Variants in SLC24A1 observed in about 807,000 individuals in gnomAD.
SLC24A1 encodes the protein solute carrier family 24 member 1, also known as sodium/potassium/calcium exchanger 1.
A neutral mutation model predicts 88.1 loss-of-function variants in SLC24A1; 52 were observed. That is an observed-to-expected ratio of 0.59 (90% CI 0.47 to 0.74). The LOEUF (loss-of-function observed/expected upper bound fraction) is 0.74, where lower values mean the gene tolerates loss of function less well. Among genes scored for constraint, SLC24A1 ranks in the 30% least tolerant of loss-of-function variants. The pLI, the probability that SLC24A1 is intolerant of heterozygous loss-of-function variation, is 0.00. For missense variants in SLC24A1, 1,173 were observed against 1,363.3 expected, an observed-to-expected ratio of 0.86 and a Z score of 2.20; for synonymous variants, 455 against 498.0, an observed-to-expected ratio of 0.91 and a Z score of 1.15.
At chr15:65,648,915 G>T (rs2075402334) in intron 6 of SLC24A1, among the ~76,000 whole-genome samples, 1 of 152,106 alleles carries the variant, frequency 6.6e-6, no homozygotes, top group Admixed American at 6.5e-5. Context: ...TGAAACATAG[G>T]CATCTATGTC....
At chr15:65,643,425 C>T (rs138707058) in intron 4 of SLC24A1, among the ~76,000 whole-genome samples, 112 of 152,230 alleles carry the variant, frequency 7.4e-4, no homozygotes, top group African/African-American at 2.5e-3. Flanking sequence ...GGCTTAGTGC[C>T]GGCACACAGG....
chr15:65,648,292 A>T (rs1242482354), intron 6 of SLC24A1, among the ~76,000 whole-genome samples: 2 of 152,154 alleles, frequency 1.3e-5, no homozygotes, highest in Non-Finnish European at 2.9e-5. Flanking sequence ...GGTGATTTTA[A>T]TGTGCAGCAC....
At chr15:65,623,686 G>A (rs751551175) in intron 1 of SLC24A1, among the ~76,000 whole-genome samples, 18 of 152,118 alleles carry the variant, frequency 1.2e-4, no homozygotes, top group Non-Finnish European at 2.5e-4. Context: ...GGAGGACTTG[G>A]TGGACTCCAT....
At position 65,650,441 on chromosome 15, in the gene SLC24A1, T is replaced by C; in HGVS notation, c.2292T>C (p.Ala764=). 1 of 1,551,602 alleles carries C rather than the reference T, an allele frequency of 6.4e-7. No homozygotes were observed. Among genetic ancestry groups the C allele is most frequent in the South Asian group, 1.2e-5 (1 of 84,050 alleles). Residue 764 remains alanine (A), a synonymous_variant, in exon 7 of 10, where the codon GCT becomes GCC. Transcript: ENST00000261892. The surrounding 1 kb of genome is among the most constrained non-coding windows in gnomAD (Gnocchi z 4.1). ...GEMPGEEGET[A]GEGETEEKSG... is the part of the protein sequence containing the mutation. ...TGCCAGGCGAAGAGGGCGAAACTGC[T>C]GGTGAAGGTGAAACTGAAGAGAAAA...
At chr15:65,629,377 T>C (rs2074630342) in intron 2 of SLC24A1, among the ~76,000 whole-genome samples, 1 of 152,250 alleles carries the variant, frequency 6.6e-6, no homozygotes, top group East Asian at 1.9e-4. Context: ...GTAAGTATTT[T>C]AGAGTCTCAC....
At chr15:65,619,493 C>G (rs1055168982), upstream of SLC24A1, among the ~76,000 whole-genome samples, 16 of 151,778 alleles carry the variant, frequency 1.1e-4, no homozygotes, top group African/African-American at 3.6e-4. Flanking sequence ...TACCCGGGAC[C>G]TAAAGGCATT....
At chr15:65,649,095 G>GAA (rs1052320214) in intron 6 of SLC24A1, among the ~76,000 whole-genome samples, 18 of 151,888 alleles carry the variant, frequency 1.2e-4, no homozygotes, top group African/African-American at 4.1e-4. Context: ...GGTGGGGTCA[G>GAA]AAAATCTGTA....
chr15:65,644,050 G>C (rs1258610242), intron 4 of SLC24A1: 1 of 217,442 alleles, frequency 4.6e-6, no homozygotes, highest in Non-Finnish European at 9.3e-6. Context: ...TACAAAGTTT[G>C]GGTCAGAGTC....
At chr15:65,616,128 T>C (rs1284450155) in intron 2 of SLC24A1, among the ~76,000 whole-genome samples, 2 of 152,096 alleles carry the variant, frequency 1.3e-5, no homozygotes, top group Non-Finnish European at 2.9e-5. Context: ...CAGTCTATCA[T>C]TGATGGACAT....
chr15:65,652,681 C>T lies in SLC24A1; in HGVS notation c.2923C>T (p.Leu975=), dbSNP rs779315074. 2.8e-5 allele frequency: 45 copies of T among 1,613,870 alleles called. No homozygotes were observed. In the East Asian group the frequency reaches 9.8e-4, roughly 35 times the overall value. ...AGGGATTTCTGAAGAGATCATGGGC[C>T]TGACAATCCTTGCAGCAGGCACATC... ...TIGISEEIMG[L]TILAAGTSIP... is the part of the protein sequence containing the mutation. The change falls in exon 9 of 10, where the codon CTG becomes TTG. Residue 975 remains leucine, a synonymous_variant. Coordinates refer to ENST00000261892, the MANE Select transcript of SLC24A1 (RefSeq NM_004727.3).
intron 8 of SLC24A1, 198 bp downstream of exon 8, chr15:65,651,957 C>G: frequency 1.7e-6 from 1 of 598,666 alleles, no homozygotes; most frequent in Admixed American, 2.2e-5. Context: ...CTGTCATATC[C>G]TGTAGCATGG....
Position 65,654,241 on chromosome 15 carries a change from GA to G in SLC24A1, c.*165del. 1.4e-6 allele frequency: 2 copies of G among 1,419,628 alleles called. No individual in the cohort carries two copies. The allele number at this position is 1,419,628 out of a possible 1,614,324, so 87.9% of individuals were successfully genotyped here. A position where few individuals can be genotyped will look rare whatever the true frequency, so the allele number is the denominator to read the frequency against. On this transcript the variant is annotated 3_prime_UTR_variant, in exon 10 of 10. Transcript: ENST00000261892. ...GATCTGAGACTAAAGTTTGTCCTTG[GA>G]AACACCTGCAGCTCATTGTGGATTA...
chr15:65,652,946 C>A, intron 9 of SLC24A1, 138 bp downstream of exon 9: 1 of 647,164 alleles, frequency 1.5e-6, no homozygotes, highest in South Asian at 3.5e-5. Context: ...TGCAAAGCAA[C>A]AAAATATCTT....
At position 65,625,158 on chromosome 15, in the gene SLC24A1, G is replaced by GC. The variant is rs2074462767; in HGVS notation, c.1082dup (p.Ala362SerfsTer62). On this transcript the variant is annotated frameshift_variant, in exon 2 of 10. Coordinates refer to ENST00000261892, the MANE Select transcript of SLC24A1 (RefSeq NM_004727.3). LOFTEE classifies it high-confidence loss of function. ...GACCAGTGTATCAGCCATCAAAACA[G>GC]CCCCAGCCATAGTCTGGAGGCTGGC... 1.9e-6 allele frequency: 3 copies of GC among 1,613,466 alleles called. No homozygotes were observed. The highest frequency in any genetic ancestry group is 2.5e-6 in the Non-Finnish European group (3 of 1,179,874).
At chr15:65,621,733 T>C (rs938435600), upstream of SLC24A1, among the ~76,000 whole-genome samples, 10 of 152,184 alleles carry the variant, frequency 6.6e-5, no homozygotes, top group Non-Finnish European at 1.3e-4. Context: ...TCTCATAGCT[T>C]AGAAACAAGT....
intron 2 of SLC24A1, among the ~76,000 whole-genome samples, chr15:65,634,052 G>C (rs1262606235): frequency 6.6e-6 from 1 of 152,134 alleles, no homozygotes; most frequent in Non-Finnish European, 1.5e-5. Context: ...GGAGGAATTT[G>C]GGTAGACTTC....
At chr15:65,626,783 A>AT (rs144407159) in intron 2 of SLC24A1, among the ~76,000 whole-genome samples, 9,713 of 152,212 alleles carry the variant, frequency 0.064, 335 homozygotes, top group African/African-American at 0.095. Context: ...TCATTCCAAA[A>AT]TTTTTTGGGT....
rs951699018 is a variant in SLC24A1 at position 65,623,969 on chromosome 15, C to G, written c.-112C>G. On this transcript the variant is annotated 5_prime_UTR_variant, in exon 2 of 10. Transcript: ENST00000261892. ...TACCCACCTAGGGTTGTGGATACCC[C>G]CTGGCTGGGCTTCATGGAGAAATCT... is the stretch of plus-strand genomic sequence containing the variant. 1.3e-5 allele frequency: 12 copies of G among 945,934 alleles called. No individual in the cohort carries two copies. Among genetic ancestry groups the G allele is most frequent in the Middle Eastern group, 3.5e-4 (1 of 2,842 alleles). 58.6% of individuals were successfully genotyped at this position (945,934 alleles called of 1,614,324 possible). A position where few individuals can be genotyped will look rare whatever the true frequency, so the allele number is the denominator to read the frequency against.
At position 65,654,890 on chromosome 15, in the gene SLC24A1, G is replaced by A. The variant is rs1040357890; in HGVS notation, c.*811G>A. The A allele has an allele frequency of 2.8e-5, 33 of 1,179,338 alleles. No homozygotes were observed. The highest frequency in any genetic ancestry group is 2.2e-4 in the South Asian group (14 of 62,260). The allele number at this position is 1,179,338 out of a possible 1,614,324, so 73.1% of individuals were successfully genotyped here. A position where few individuals can be genotyped will look rare whatever the true frequency, so the allele number is the denominator to read the frequency against. Reference sequence around the variant, plus strand: ...TGGGATTACAGGCGTCAGCCACCGCGCCTGGCCTATACCAGTATTTTCTAG... The same window carrying A: ...TGGGATTACAGGCGTCAGCCACCGCACCTGGCCTATACCAGTATTTTCTAG... On this transcript the variant is annotated 3_prime_UTR_variant, in exon 10 of 10. Transcript: ENST00000261892.
Sources: gnomAD v4.1 joint callset for allele counts (sites outside exome capture counted in the v4.1 genomes callset) on GRCh38, gnomAD v4.1.1 for gene constraint, Gnocchi (gnomAD v3.1) non-coding constraint, MANE v1.5 for transcripts, NCBI Gene and HGNC (gene_info 2026-07-23, HGNC 2026-07-21) for gene names.